Variants in OIT3 observed in about 807,000 individuals in gnomAD.
The protein encoded by OIT3 is oncoprotein-induced transcript 3 protein.
A neutral mutation model predicts 52.2 loss-of-function variants in OIT3; 41 were observed. The observed-to-expected ratio is 0.79, with a 90% CI of 0.61 to 1.02. The LOEUF (loss-of-function observed/expected upper bound fraction) is 1.02, where lower values mean the gene tolerates loss of function less well. OIT3 is among the 50% of genes least tolerant of loss of function. OIT3 has a pLI of 0.00. For synonymous variants in OIT3, 244 were observed against 276.9 expected (o/e 0.88, Z 1.18); for missense variants, 634 against 715.5 (o/e 0.89, Z 1.30).
chr10:72,895,761 G>A (rs1204136724), intron 1 of OIT3, among the ~76,000 whole-genome samples: 1 of 152,206 alleles, frequency 6.6e-6, no homozygotes, highest in East Asian at 1.9e-4. Context: ...GAAGACAGCA[G>A]AGGGGCAGCT....
intron 3 of OIT3, among the ~76,000 whole-genome samples, chr10:72,903,978 A>T (rs1418612057): frequency 1.3e-5 from 2 of 152,140 alleles, no homozygotes; most frequent in East Asian, 3.8e-4. Flanking sequence ...GAACTAAAAG[A>T]CAGAAATGAA....
At chr10:72,913,247 C>T (rs1189596199) in intron 5 of OIT3, 61 bp from the exon 6 acceptor site, 1 of 1,392,320 alleles carries the variant, frequency 7.2e-7, no homozygotes, top group Non-Finnish European at 9.7e-7. Flanking sequence ...ATTATTTCTC[C>T]TAAAAGCCTT....
chr10:72,918,604 G>A, intron 6 of OIT3: 1 of 753,186 alleles, frequency 1.3e-6, no homozygotes, highest in South Asian at 1.4e-5. Flanking sequence ...CAAGAGAACA[G>A]CCGCACAGGA....
intron 6 of OIT3, among the ~76,000 whole-genome samples, chr10:72,923,537 T>G (rs1846139629): frequency 6.6e-6 from 1 of 151,634 alleles, no homozygotes; most frequent in South Asian, 2.1e-4. Context: ...CCTCCTCAGG[T>G]TGAGCTCTCC....
At chr10:72,924,882 G>A (rs901031146) in intron 7 of OIT3, among the ~76,000 whole-genome samples, 5 of 152,058 alleles carry the variant, frequency 3.3e-5, no homozygotes, top group African/African-American at 7.3e-5. Flanking sequence ...GAGCCAAGGC[G>A]GGTGGATCAC....
At chr10:72,910,792 T>C (rs1846022125) in intron 4 of OIT3, among the ~76,000 whole-genome samples, 2 of 152,182 alleles carry the variant, frequency 1.3e-5, no homozygotes, top group African/African-American at 4.8e-5. Flanking sequence ...AGATGGTAAA[T>C]ACTTTAGGCT....
intron 2 of OIT3, 106 bp from the exon 3 acceptor site, chr10:72,900,271 A>G (rs1589520844): frequency 7.7e-6 from 5 of 653,522 alleles, no homozygotes; most frequent in South Asian, 7.2e-5. Context: ...AGCCTGGGCA[A>G]CATAGGGATA....
At position 72,918,309 on chromosome 10, in the gene OIT3, A is replaced by G. The variant is rs1846091535; in HGVS notation, c.951+4841A>G. The G allele has an allele frequency of 1.2e-5, 9 of 772,594 alleles. No homozygotes were observed. The Admixed American group carries it at 1.4e-4, about 12-fold the overall frequency. The allele number at this position is 772,594 out of a possible 1,614,324, so 47.9% of individuals were successfully genotyped here. A position where few individuals can be genotyped will look rare whatever the true frequency, so the allele number is the denominator to read the frequency against. Reference sequence around the variant, plus strand: ...CTATACAGACATTTTCAAAGTTGCCAGTGTGACTTTAATTGGACTGCCTTC... The same window carrying G: ...CTATACAGACATTTTCAAAGTTGCCGGTGTGACTTTAATTGGACTGCCTTC... On this transcript the variant is annotated intron_variant, in intron 6 of 8. Coordinates refer to ENST00000334011, the MANE Select transcript of OIT3 (RefSeq NM_152635.3).
At chr10:72,930,681 T>A in intron 8 of OIT3, 44 bp downstream of exon 8, 34 of 280,636 alleles carry the variant, frequency 1.2e-4, no homozygotes, top group Non-Finnish European at 1.9e-4. Flanking sequence ...ACCTGAGCCT[T>A]TTTTTTTTTT....
At chr10:72,929,476 T>A (rs947925600) in intron 7 of OIT3, among the ~76,000 whole-genome samples, 7 of 152,046 alleles carry the variant, frequency 4.6e-5, no homozygotes, top group African/African-American at 1.7e-4. Context: ...GGGGCAAATA[T>A]GGCTCACTGC....
At position 72,901,166 on chromosome 10, in the gene OIT3, C is replaced by T. The variant is rs560992445; in HGVS notation, c.544+682C>T. On this transcript the variant is annotated intron_variant, in intron 3 of 8. Coordinates refer to ENST00000334011, the MANE Select transcript of OIT3 (RefSeq NM_152635.3). ...TAAAATATATTATTAAAATTAATTT[C>T]GCCAGTTTATTTTTAAAAAATTTTA... Among the ~76,000 whole-genome samples, 24 of 151,994 alleles carry T rather than the reference C, an allele frequency of 1.6e-4. No homozygotes were observed. In the East Asian group the frequency reaches 2.9e-3, roughly 18 times the overall value.
intron 4 of OIT3, among the ~76,000 whole-genome samples, chr10:72,908,927 A>G (rs1163766274): frequency 6.6e-6 from 1 of 151,212 alleles, no homozygotes; most frequent in Non-Finnish European, 1.5e-5. Context: ...TTTAAAAAAA[A>G]GGCCCTTTTT....
intron 5 of OIT3, among the ~76,000 whole-genome samples, chr10:72,912,470 CAT>C (rs1209647042): frequency 6.6e-6 from 1 of 151,890 alleles, no homozygotes; most frequent in Non-Finnish European, 1.5e-5. Flanking sequence ...GGGGTTTCAC[CAT>C]GTTGGCCAGG....
At chr10:72,916,956 G>C (rs777379695) in intron 6 of OIT3, among the ~76,000 whole-genome samples, 2 of 151,968 alleles carry the variant, frequency 1.3e-5, no homozygotes, top group African/African-American at 2.4e-5. Flanking sequence ...TCATATGCTT[G>C]TTGGCCACAT....
At chr10:72,907,375 A>G (rs189654309) in intron 4 of OIT3, among the ~76,000 whole-genome samples, 1 of 152,318 alleles carries the variant, frequency 6.6e-6, no homozygotes, top group Admixed American at 6.5e-5. Flanking sequence ...TAGGTCTGAG[A>G]TCAGGTCAAG....
At chr10:72,907,682 T>C (rs1277861531) in intron 4 of OIT3, among the ~76,000 whole-genome samples, 2 of 152,172 alleles carry the variant, frequency 1.3e-5, no homozygotes, top group Non-Finnish European at 2.9e-5. Flanking sequence ...CATGAAACCA[T>C]TTCCTCTCCT....
intron 6 of OIT3, among the ~76,000 whole-genome samples, chr10:72,923,225 G>A (rs1408870104): frequency 6.6e-6 from 1 of 152,178 alleles, no homozygotes; most frequent in Non-Finnish European, 1.5e-5. Context: ...TAGGGCTGCT[G>A]TGGTTTGCTG....
intron 1 of OIT3, among the ~76,000 whole-genome samples, chr10:72,897,222 C>T (rs1845882497): frequency 6.6e-6 from 1 of 152,124 alleles, no homozygotes; most frequent in South Asian, 2.1e-4. Flanking sequence ...TGGGGTTTCA[C>T]CATGTTGACC....
chr10:72,927,644 C>CCT (rs1846181202), intron 7 of OIT3, among the ~76,000 whole-genome samples: 1 of 152,180 alleles, frequency 6.6e-6, no homozygotes, highest in African/African-American at 2.4e-5. Flanking sequence ...TGTGCAAGAT[C>CCT]CTCCAGCTCT....
Sources: allele counts gnomAD v4.1 joint callset (sites outside exome capture counted in the v4.1 genomes callset), GRCh38; gene constraint gnomAD v4.1.1; transcripts MANE v1.5; gene names NCBI Gene and HGNC (gene_info 2026-07-23, HGNC 2026-07-21).